MMS19: variants seen among roughly 807,000 people sequenced by gnomAD.
The protein encoded by MMS19 is MMS19 nucleotide excision repair protein homolog.
Under a neutral mutation model 129.8 loss-of-function variants are expected in MMS19, and 77 were observed. The observed-to-expected ratio is 0.59, with a 90% CI of 0.49 to 0.72. The LOEUF (loss-of-function observed/expected upper bound fraction) is 0.72. Ranked by LOEUF, MMS19 falls within the 30% of genes least tolerant of loss-of-function variation. The probability of loss-of-function intolerance (pLI) is 0.00; values close to 1 mark genes in which losing one functional copy is unlikely to be tolerated. For missense variants in MMS19, 1,168 were observed against 1,266.3 expected (o/e 0.92, Z 1.18); for synonymous variants, 491 against 502.8 (o/e 0.98, Z 0.31).
upstream of MMS19, chr10:97,498,665 C>T: frequency 2.2e-6 from 1 of 460,080 alleles, no homozygotes; most frequent in East Asian, 4.3e-5. Context: ...GGGCGGGCAC[C>T]TGGCTGGGTG....
At chr10:97,487,871 C>A (rs1466929386) in intron 1 of MMS19, among the ~76,000 whole-genome samples, 1 of 152,192 alleles carries the variant, frequency 6.6e-6, no homozygotes, top group East Asian at 1.9e-4. Context: ...AATCCCAACA[C>A]TTTGGGAGGC....
chr10:97,467,604 C>T (rs770346580), intron 13 of MMS19, 21 bp from the exon 14 acceptor site: 10 of 1,609,734 alleles, frequency 6.2e-6, no homozygotes, highest in Middle Eastern at 3.3e-4. Flanking sequence ...TCAAGGGGTA[C>T]TAGAGTCAAA....
Position 97,459,480 on chromosome 10 carries a change from A to C in MMS19, c.2786T>G (p.Val929Gly). 1 of 1,613,290 alleles carries C rather than the reference A, an allele frequency of 6.2e-7. No homozygotes were observed. The highest frequency in any genetic ancestry group is 1.1e-5 in the South Asian group (1 of 90,846). ...AAGGCAGCTGAGGGTGGAGAGCTGCACCACACAGTCAGGGCAGGACAGGGC... is the reference window on the plus strand; with the variant it reads ...AAGGCAGCTGAGGGTGGAGAGCTGCCCCACACAGTCAGGGCAGGACAGGGC... Reference protein sequence around the residue: ...LEALSCPDCVVQLSTLSCLQP... With the variant: ...LEALSCPDCVGQLSTLSCLQP... The change falls in exon 28 of 31, where the codon GTG (valine) becomes GGG (glycine). Residue 929 changes from valine (V) to glycine (G), a missense_variant. Physicochemically the swap from Val to Gly is moderately radical, Grantham distance 109. Transcript: ENST00000438925.
At chr10:97,474,933 A>G (rs1012952742) in intron 8 of MMS19, among the ~76,000 whole-genome samples, 2 of 152,226 alleles carry the variant, frequency 1.3e-5, no homozygotes, top group Non-Finnish European at 2.9e-5. Context: ...TGGATGAAAT[A>G]CTGTTCCTCT....
intron 3 of MMS19, among the ~76,000 whole-genome samples, chr10:97,480,090 A>G (rs921394794): frequency 1.3e-5 from 2 of 152,146 alleles, no homozygotes; most frequent in Non-Finnish European, 2.9e-5. Flanking sequence ...ACATGTGTAG[A>G]ATATCATGGT....
intron 1 of MMS19, among the ~76,000 whole-genome samples, chr10:97,486,273 T>C (rs2037831922): frequency 6.6e-6 from 1 of 152,180 alleles, no homozygotes; most frequent in African/African-American, 2.4e-5. Context: ...CCTCCACTTC[T>C]CTGTTTCAAG....
intron 19 of MMS19, 163 bp from the exon 20 acceptor site, chr10:97,462,845 C>T: frequency 1.6e-6 from 1 of 634,678 alleles, no homozygotes; most frequent in Non-Finnish European, 2.8e-6. Context: ...AATCAGGGCA[C>T]CAGAAACAGG....
intron 20 of MMS19, among the ~76,000 whole-genome samples, chr10:97,462,336 A>G (rs1486662070): frequency 6.6e-6 from 1 of 152,228 alleles, no homozygotes; most frequent in Non-Finnish European, 1.5e-5. Flanking sequence ...GTATATTTTA[A>G]AATGCTCTAC....
chr10:97,488,696 T>C (rs1468994128), intron 1 of MMS19, among the ~76,000 whole-genome samples: 3 of 152,264 alleles, frequency 2.0e-5, no homozygotes, highest in African/African-American at 7.2e-5. Context: ...TATACATGTT[T>C]GGTACAGTTG....
chr10:97,471,787 A>G (rs566461122), intron 8 of MMS19, among the ~76,000 whole-genome samples: 2 of 152,344 alleles, frequency 1.3e-5, no homozygotes, highest in East Asian at 3.9e-4. Context: ...CTGGGATTAC[A>G]GGCGTAAGCC....
chr10:97,470,435 A>G (rs2034445616), intron 9 of MMS19, among the ~76,000 whole-genome samples: 1 of 152,160 alleles, frequency 6.6e-6, no homozygotes, highest in Admixed American at 6.5e-5. Flanking sequence ...ACAGCACCAT[A>G]TAGGGATTGG....
chr10:97,467,600 G>A lies in MMS19; in HGVS notation c.1219-17C>T. 6.2e-7 allele frequency: 1 copy of A among 1,611,324 alleles called. No individual in the cohort carries two copies. Among genetic ancestry groups the A allele is most frequent in the Non-Finnish European group, 8.5e-7 (1 of 1,177,824 alleles). ...CTGGCTGCTCTGTAACGTTTCAAGG[G>A]GTACTAGAGTCAAAGAATATTTTAA... is the stretch of plus-strand genomic sequence containing the variant. On this transcript the variant is annotated splice_polypyrimidine_tract_variant and intron_variant, in intron 13 of 30. Coordinates refer to ENST00000438925, the MANE Select transcript of MMS19 (RefSeq NM_022362.5).
chr10:97,472,362 C>T (rs1276023832), intron 8 of MMS19, among the ~76,000 whole-genome samples: 3 of 152,096 alleles, frequency 2.0e-5, no homozygotes, highest in East Asian at 1.9e-4. Flanking sequence ...GCCTGTCTCC[C>T]GAGTGGCTGG....
chr10:97,491,367 TA>T (rs1564706506), intron 1 of MMS19, among the ~76,000 whole-genome samples: 2 of 152,190 alleles, frequency 1.3e-5, no homozygotes, highest in African/African-American at 4.8e-5. Flanking sequence ...TTCATTTTTT[TA>T]AAAAAATTGA....
At chr10:97,462,783 T>A in intron 19 of MMS19, 101 bp from the exon 20 acceptor site, 1 of 862,326 alleles carries the variant, frequency 1.2e-6, no homozygotes, top group Non-Finnish European at 1.9e-6. Flanking sequence ...GGCTTGACTC[T>A]AGCCACGACA....
rs575744297 is a variant in MMS19 at position 97,460,819 on chromosome 10, G to A, written c.2413-68C>T. On this transcript the variant is annotated intron_variant, in intron 24 of 30. Coordinates refer to ENST00000438925, the MANE Select transcript of MMS19 (RefSeq NM_022362.5). The stretch of plus-strand genomic sequence containing the variant: ...AACCCGAGAACCCTGAGACATAGAT[G>A]TTTATGGTTTAGGGTCAAACAGGGA... 53 of 1,536,360 alleles carry A rather than the reference G, an allele frequency of 3.4e-5. No individual in the cohort carries two copies. The East Asian group carries it at 8.6e-4, about 25-fold the overall frequency.
chr10:97,484,521 A>G (rs1011055456), intron 1 of MMS19, among the ~76,000 whole-genome samples: 3 of 152,218 alleles, frequency 2.0e-5, no homozygotes, highest in Non-Finnish European at 4.4e-5. Context: ...GATATAAGGA[A>G]AAAGACCCTG....
intron 1 of MMS19, among the ~76,000 whole-genome samples, chr10:97,486,894 T>TATATATATATATATATATAA (rs1554852566): frequency 3.0e-5 from 4 of 135,556 alleles, no homozygotes; most frequent in Non-Finnish European, 4.8e-5. Flanking sequence ...TATATATATA[T>TATATATATATATATATATAA]AAAATTAAGA....
intron 1 of MMS19, among the ~76,000 whole-genome samples, chr10:97,491,798 C>A (rs1455756345): frequency 6.6e-6 from 1 of 152,150 alleles, no homozygotes; most frequent in Non-Finnish European, 1.5e-5. Flanking sequence ...GCCCTTTAGT[C>A]TTCATATAGC....
Sources: gnomAD v4.1 joint callset for allele counts (sites outside exome capture counted in the v4.1 genomes callset) on GRCh38, gnomAD v4.1.1 for gene constraint, MANE v1.5 for transcripts, NCBI Gene and HGNC (gene_info 2026-07-23, HGNC 2026-07-21) for gene names.